The following ATP8A1 variants were observed in gnomAD, a reference collection of about 807,000 sequenced individuals.
The protein encoded by ATP8A1 is ATPase phospholipid transporting 8A1, also known as phospholipid-transporting ATPase IA.
A neutral mutation model predicts 177.7 loss-of-function variants in ATP8A1; 90 were observed. The ratio of observed to expected loss-of-function variants is 0.51; its 90% CI spans 0.43 to 0.60. The LOEUF (loss-of-function observed/expected upper bound fraction) is 0.60. ATP8A1 is among the 20% of genes least tolerant of loss of function. ATP8A1 has a pLI of 0.00. For synonymous variants in ATP8A1, 493 were observed against 485.9 expected (o/e 1.01, Z -0.19); for missense variants, 1,072 against 1,392.8 (o/e 0.77, Z 3.67).
chr4:42,423,804 T>C (rs1030501527), intron 33 of ATP8A1, 99 bp from the exon 34 acceptor site: 15 of 767,966 alleles, frequency 2.0e-5, no homozygotes, highest in Non-Finnish European at 2.9e-5. Context: ...TTTAAGAATA[T>C]CATTCTGTAA....
At chr4:42,568,997 A>G (rs1362468233) in intron 15 of ATP8A1, among the ~76,000 whole-genome samples, 164 bp downstream of exon 15, 2 of 152,158 alleles carry the variant, frequency 1.3e-5, no homozygotes, top group African/African-American at 4.8e-5. Context: ...TATTCAATAG[A>G]TTTCAAGAAA....
At chr4:42,433,284 TTC>T (rs10569749) in intron 33 of ATP8A1, among the ~76,000 whole-genome samples, 64,691 of 151,916 alleles carry the variant, frequency 0.43, 14,127 homozygotes, top group African/African-American at 0.51. Flanking sequence ...CAGCGCTCTC[TTC>T]TCTGTTAGTC....
At chr4:42,503,380 A>T in intron 24 of ATP8A1, 70 bp downstream of exon 24, 1 of 897,022 alleles carries the variant, frequency 1.1e-6, no homozygotes, top group Non-Finnish European at 1.7e-6. Flanking sequence ...TTCCATAGCT[A>T]TCTGAATATA....
At chr4:42,552,001 C>T (rs1729549364) in intron 17 of ATP8A1, among the ~76,000 whole-genome samples, 1 of 152,096 alleles carries the variant, frequency 6.6e-6, no homozygotes, top group Admixed American at 6.5e-5. Flanking sequence ...GATAACTGTA[C>T]TAATAATATT....
At chr4:42,450,906 A>G (rs1272118702) in intron 30 of ATP8A1, among the ~76,000 whole-genome samples, 1 of 152,232 alleles carries the variant, frequency 6.6e-6, no homozygotes, top group African/African-American at 2.4e-5. Context: ...CCATGAAGAC[A>G]TACAGGCTGA....
Position 42,573,226 on chromosome 4 carries a change from G to A in ATP8A1, c.1295+1393C>T, listed in dbSNP as rs551090898. Among the ~76,000 whole-genome samples the A allele has an allele frequency of 1.3e-4, 20 of 152,252 alleles. 1 individual carries two copies. Among genetic ancestry groups the A allele is most frequent in the African/African-American group, 4.6e-4 (19 of 41,552 alleles). On this transcript the variant is annotated intron_variant, in intron 14 of 36. Coordinates refer to ENST00000381668, the MANE Select transcript of ATP8A1 (RefSeq NM_006095.2). ...AAAATCACACAAAGTAAAAAACAAT[G>A]CCAATTATTAAACAGGCCATTGTGG...
intron 35 of ATP8A1, among the ~76,000 whole-genome samples, chr4:42,415,811 T>C (rs1713180432): frequency 6.6e-6 from 1 of 152,110 alleles, no homozygotes; most frequent in African/African-American, 2.4e-5. Flanking sequence ...AACAATATCA[T>C]ATACAAAAAA....
At chr4:42,501,367 G>A (rs113625186) in intron 24 of ATP8A1, among the ~76,000 whole-genome samples, 71 of 152,238 alleles carry the variant, frequency 4.7e-4, no homozygotes, top group African/African-American at 1.6e-3. Flanking sequence ...TTACTTTGTA[G>A]GCAGCAGAAC....
chr4:42,455,639 A>G, intron 27 of ATP8A1, 40 bp from the exon 28 acceptor site: 1 of 1,576,374 alleles, frequency 6.3e-7, no homozygotes. Context: ...TAGAATACAA[A>G]AGCATAAATG....
intron 15 of ATP8A1, among the ~76,000 whole-genome samples, chr4:42,560,534 G>A (rs1436354067): frequency 2.0e-5 from 3 of 151,278 alleles, no homozygotes; most frequent in African/African-American, 7.3e-5. Flanking sequence ...TTGTTGTGTG[G>A]GTTTTTGTTT....
At chr4:42,614,732 C>A (rs1736729104) in intron 5 of ATP8A1, among the ~76,000 whole-genome samples, 1 of 152,192 alleles carries the variant, frequency 6.6e-6, no homozygotes, top group African/African-American at 2.4e-5. Context: ...TTGTTTCCCT[C>A]TGATGTGAAT....
chr4:42,477,134 T>C lies in ATP8A1; in HGVS notation c.2324+8362A>G, dbSNP rs142932443. Among the ~76,000 whole-genome samples the C allele has an allele frequency of 3.5e-3, 530 of 152,338 alleles. 3 individuals carry two copies. The highest frequency in any genetic ancestry group is 0.012 in the African/African-American group (500 of 41,576). Reference sequence around the variant, plus strand: ...TTCACCGCTCTATTTCTAGTACTTATTAAGGTTACTGGCACACAGGGAGCA... The same window carrying C: ...TTCACCGCTCTATTTCTAGTACTTACTAAGGTTACTGGCACACAGGGAGCA... On this transcript the variant is annotated intron_variant, in intron 25 of 36. Coordinates refer to ENST00000381668, the MANE Select transcript of ATP8A1 (RefSeq NM_006095.2).
chr4:42,431,751 C>T (rs1411280111), intron 33 of ATP8A1, among the ~76,000 whole-genome samples: 2 of 152,166 alleles, frequency 1.3e-5, no homozygotes, highest in African/African-American at 4.8e-5. Context: ...ACCATGATCC[C>T]CCGAAACATA....
chr4:42,655,290 A>G (rs941075039), intron 1 of ATP8A1, among the ~76,000 whole-genome samples: 3 of 152,250 alleles, frequency 2.0e-5, no homozygotes, highest in African/African-American at 7.2e-5. Flanking sequence ...TCCATAAAGT[A>G]ATCTTTGTAA....
chr4:42,482,731 G>A (rs1721821384), intron 25 of ATP8A1, among the ~76,000 whole-genome samples: 1 of 152,146 alleles, frequency 6.6e-6, no homozygotes, highest in South Asian at 2.1e-4. Flanking sequence ...CCTGATGATG[G>A]AACTAACATG....
chr4:42,567,526 G>A (rs1731481059), intron 15 of ATP8A1, among the ~76,000 whole-genome samples: 1 of 152,174 alleles, frequency 6.6e-6, no homozygotes, highest in Admixed American at 6.5e-5. Context: ...GTGATAGAGT[G>A]AGACTCCCTC....
In ATP8A1 at chr4:42,426,102, G is replaced by C. The variant is rs189264168; in HGVS notation, c.3124-2397C>G. On this transcript the variant is annotated intron_variant, in intron 33 of 36. Transcript: ENST00000381668. Reference sequence around the variant, plus strand: ...CTGAAATTTCTATGTGAACTTTCAGGGAACAAACCTTTGAGAAAATACGAG... The same window carrying C: ...CTGAAATTTCTATGTGAACTTTCAGCGAACAAACCTTTGAGAAAATACGAG... 2.3e-3 allele frequency among the ~76,000 whole-genome samples: 348 copies of C among 152,298 alleles called. 2 individuals are homozygous for C. The highest frequency in any genetic ancestry group is 2.4e-3 in the Non-Finnish European group (163 of 68,032).
At chr4:42,508,235 T>C (rs1221562911) in intron 22 of ATP8A1, among the ~76,000 whole-genome samples, 1 of 152,124 alleles carries the variant, frequency 6.6e-6, no homozygotes, top group Non-Finnish European at 1.5e-5. Flanking sequence ...CAGGTCCAAG[T>C]GATTCTCCTG....
intron 1 of ATP8A1, among the ~76,000 whole-genome samples, chr4:42,636,819 C>A (rs1204562214): frequency 6.6e-6 from 1 of 152,150 alleles, no homozygotes; most frequent in African/African-American, 2.4e-5. Context: ...AAAGTCAGCA[C>A]ACAGTCCAGG....
Sources: gnomAD v4.1 joint callset for allele counts (sites outside exome capture counted in the v4.1 genomes callset) on GRCh38, gnomAD v4.1.1 for gene constraint, MANE v1.5 for transcripts, NCBI Gene and HGNC (gene_info 2026-07-23, HGNC 2026-07-21) for gene names.